CSMD1: variants seen among roughly 807,000 people sequenced by gnomAD.
The protein encoded by CSMD1 is CUB and Sushi multiple domains 1.
Under a neutral mutation model 417.5 loss-of-function variants are expected in CSMD1, and 213 were observed. That is an observed-to-expected ratio of 0.51 (90% CI 0.46 to 0.57). CSMD1 has a LOEUF of 0.57. CSMD1 is among the 20% of genes least tolerant of loss of function. The pLI is 0.00. For synonymous variants in CSMD1, 2,862 were observed against 1,736.8 expected (o/e 1.65, Z -16.11); for missense variants, 6,923 against 4,529.7 (o/e 1.53, Z -15.17).
intron 2 of CSMD1, among the ~76,000 whole-genome samples, chr8:4,466,917 T>C (rs1800206816): frequency 6.6e-6 from 1 of 152,034 alleles, no homozygotes; most frequent in Non-Finnish European, 1.5e-5. Flanking sequence ...AGTGTGTTTT[T>C]ACAGCATTGA....
chr8:3,680,109 C>G (rs1011462900), intron 7 of CSMD1, among the ~76,000 whole-genome samples: 2 of 152,064 alleles, frequency 1.3e-5, no homozygotes, highest in Non-Finnish European at 2.9e-5. Context: ...GACACCATAA[C>G]ATCACAATTG....
intron 20 of CSMD1, among the ~76,000 whole-genome samples, chr8:3,361,282 G>A (rs1809148947): frequency 6.6e-6 from 1 of 151,826 alleles, no homozygotes; most frequent in Admixed American, 6.6e-5. Context: ...TCTATCTAAG[G>A]ATATACTGTG....
chr8:4,215,411 G>C (rs17069495), intron 3 of CSMD1, among the ~76,000 whole-genome samples: 9,410 of 152,094 alleles, frequency 0.062, 809 homozygotes, highest in African/African-American at 0.19. Context: ...AAGATACCAT[G>C]TCTGAATCAT....
At chr8:4,621,723 A>G (rs1801790107) in intron 2 of CSMD1, among the ~76,000 whole-genome samples, 1 of 152,076 alleles carries the variant, frequency 6.6e-6, no homozygotes, top group South Asian at 2.1e-4. Context: ...AAAGGCTACA[A>G]AAAAGGGAAT....
intron 1 of CSMD1, among the ~76,000 whole-genome samples, chr8:4,774,211 A>G (rs1412456765): frequency 2.0e-5 from 3 of 152,194 alleles, no homozygotes; most frequent in South Asian, 2.1e-4. Context: ...AAATAAAAAT[A>G]AAATAATCAT....
chr8:3,913,885 G>A (rs1042156192), intron 5 of CSMD1, among the ~76,000 whole-genome samples: 2 of 151,742 alleles, frequency 1.3e-5, no homozygotes, highest in African/African-American at 2.4e-5. Flanking sequence ...TGATTACCTC[G>A]ACTGTTTTTT....
At chr8:4,227,580 C>T (rs1037336503) in intron 3 of CSMD1, among the ~76,000 whole-genome samples, 1 of 151,994 alleles carries the variant, frequency 6.6e-6, no homozygotes, top group Non-Finnish European at 1.5e-5. Context: ...AAGAGAAGTC[C>T]CACAGCCCCC....
At chr8:4,859,425 T>C (rs554918410) in intron 1 of CSMD1, among the ~76,000 whole-genome samples, 1 of 152,252 alleles carries the variant, frequency 6.6e-6, no homozygotes, top group South Asian at 2.1e-4. Context: ...TGGGATCTAA[T>C]TAAGAGCTTC....
intron 1 of CSMD1, among the ~76,000 whole-genome samples, chr8:4,694,224 G>C (rs928453506): frequency 6.6e-6 from 1 of 152,178 alleles, no homozygotes; most frequent in African/African-American, 2.4e-5. Flanking sequence ...CCTTTGAAAA[G>C]ACTAATCAGA....
At chr8:3,680,025 C>T (rs1280538578) in intron 7 of CSMD1, among the ~76,000 whole-genome samples, 1 of 151,976 alleles carries the variant, frequency 6.6e-6, no homozygotes, top group African/African-American at 2.4e-5. Flanking sequence ...CTCTGGGACA[C>T]ATTTAAAGCA....
At chr8:3,436,632 T>G (rs553406364) in intron 12 of CSMD1, among the ~76,000 whole-genome samples, 5 of 152,330 alleles carry the variant, frequency 3.3e-5, no homozygotes, top group African/African-American at 1.2e-4. Context: ...ACCAACATAG[T>G]GATTACATGT....
chr8:3,901,344 A>AT (rs558887358), intron 5 of CSMD1, among the ~76,000 whole-genome samples: 110 of 152,146 alleles, frequency 7.2e-4, no homozygotes, highest in African/African-American at 2.5e-3. Flanking sequence ...CTCCAATTTA[A>AT]TTTTTTTCAA....
At chr8:4,859,548 C>A (rs900087487) in intron 1 of CSMD1, among the ~76,000 whole-genome samples, 6 of 151,896 alleles carry the variant, frequency 4.0e-5, no homozygotes, top group African/African-American at 1.5e-4. Context: ...ACAATGAACT[C>A]AAACAAATTT....
intron 3 of CSMD1, among the ~76,000 whole-genome samples, chr8:4,128,841 T>C (rs959488604): frequency 3.3e-5 from 5 of 152,094 alleles, no homozygotes; most frequent in African/African-American, 4.8e-5. Flanking sequence ...CATGTCATTA[T>C]TGGTAAGTGT....
chr8:4,059,930 C>T (rs1189972390), intron 3 of CSMD1, among the ~76,000 whole-genome samples: 1 of 151,960 alleles, frequency 6.6e-6, no homozygotes, highest in African/African-American at 2.4e-5. Flanking sequence ...GGAATCCTCC[C>T]TAACTCATTT....
intron 23 of CSMD1, among the ~76,000 whole-genome samples, chr8:3,315,535 CTT>C (rs1481410170): frequency 6.6e-6 from 1 of 151,802 alleles, no homozygotes; most frequent in East Asian, 1.9e-4. Flanking sequence ...ATTGAGTCCT[CTT>C]GTTAGCTACT....
At chr8:3,851,067 T>A (rs1803873504) in intron 5 of CSMD1, among the ~76,000 whole-genome samples, 1 of 152,356 alleles carries the variant, frequency 6.6e-6, no homozygotes, top group Admixed American at 6.5e-5. Context: ...GTAGAAGGAA[T>A]ATTTCAAATC....
At chr8:3,396,605 T>C (rs1811716356) in intron 16 of CSMD1, among the ~76,000 whole-genome samples, 1 of 152,136 alleles carries the variant, frequency 6.6e-6, no homozygotes, top group South Asian at 2.1e-4. Context: ...ATATTCTGTC[T>C]TACAATATTA....
chr8:3,081,535 T>C (rs1162391129), intron 49 of CSMD1, among the ~76,000 whole-genome samples: 1 of 152,246 alleles, frequency 6.6e-6, no homozygotes, highest in Non-Finnish European at 1.5e-5. Context: ...ACCTTTAAGT[T>C]GGACGTGGAA....
Sources: allele counts gnomAD v4.1 joint callset (sites outside exome capture counted in the v4.1 genomes callset), GRCh38; gene constraint gnomAD v4.1.1; transcripts MANE v1.5; gene names NCBI Gene and HGNC (gene_info 2026-07-23, HGNC 2026-07-21).